The following SLC25A21 variants were observed in gnomAD, a reference collection of about 807,000 sequenced individuals.
SLC25A21 encodes solute carrier family 25 member 21.
In SLC25A21, 47 loss-of-function variants were observed where a neutral mutation model predicts 43.8. The observed-to-expected ratio is 1.07, with a 90% CI of 0.85 to 1.37. The LOEUF (loss-of-function observed/expected upper bound fraction) is 1.37, where lower values mean the gene tolerates loss of function less well. Ranked by LOEUF, SLC25A21 falls within the 40% of genes most tolerant of loss-of-function variation. SLC25A21 has a pLI of 0.00. For synonymous variants in SLC25A21, 131 were observed against 121.3 expected, an observed-to-expected ratio of 1.08 and a Z score of -0.52; for missense variants, 352 against 350.2, an observed-to-expected ratio of 1.00 and a Z score of -0.04.
intron 1 of SLC25A21, among the ~76,000 whole-genome samples, chr14:37,062,720 A>C (rs529312101): frequency 2.6e-5 from 4 of 152,200 alleles, no homozygotes; most frequent in Non-Finnish European, 4.4e-5. Flanking sequence ...GACCCTTGGG[A>C]AATAAGAAGC....
chr14:36,745,269 G>A (rs778955676), intron 3 of SLC25A21, among the ~76,000 whole-genome samples: 72 of 152,102 alleles, frequency 4.7e-4, no homozygotes, highest in Non-Finnish European at 9.3e-4. Context: ...TTGGTTCCAA[G>A]TCTTTGCTAT....
In SLC25A21 at chr14:36,679,662, T is replaced by G. The variant is rs1278490343; in HGVS notation, c.*996A>C. The G allele has an allele frequency of 3.0e-6, 3 of 985,290 alleles. No individual in the cohort carries two copies. The highest frequency in any genetic ancestry group is 5.2e-4 in the Middle Eastern group (1 of 1,936). The allele number at this position is 985,290 out of a possible 1,614,324, so 61.0% of individuals were successfully genotyped here. A position where few individuals can be genotyped will look rare whatever the true frequency, so the allele number is the denominator to read the frequency against. ...TATTTTAATACTGCAGACAGCTGAC[T>G]TCCCACCTGAAGTTGTCGTTTAAAA... is the stretch of plus-strand genomic sequence containing the variant. On this transcript the variant is annotated 3_prime_UTR_variant, in exon 10 of 10. Coordinates refer to ENST00000331299, the MANE Select transcript of SLC25A21 (RefSeq NM_030631.4).
At chr14:37,049,307 C>CA (rs2138795181) in intron 1 of SLC25A21, among the ~76,000 whole-genome samples, 1 of 152,254 alleles carries the variant, frequency 6.6e-6, no homozygotes, top group South Asian at 2.1e-4. Context: ...ACTGACTGGG[C>CA]ACGGTGGCTC....
At chr14:36,701,905 A>G (rs1883294629) in intron 7 of SLC25A21, among the ~76,000 whole-genome samples, 1 of 152,178 alleles carries the variant, frequency 6.6e-6, no homozygotes, top group African/African-American at 2.4e-5. Context: ...AGAGATTGAG[A>G]AACCAGAGGG....
At chr14:37,001,599 C>A (rs1345771434) in intron 1 of SLC25A21, among the ~76,000 whole-genome samples, 1 of 151,982 alleles carries the variant, frequency 6.6e-6, no homozygotes, top group South Asian at 2.1e-4. Flanking sequence ...TTTCTTCCTT[C>A]TTTCCTTTTT....
intron 1 of SLC25A21, among the ~76,000 whole-genome samples, chr14:37,009,195 A>G (rs984961403): frequency 5.3e-5 from 8 of 152,154 alleles, no homozygotes; most frequent in African/African-American, 1.9e-4. Context: ...GAAATAACTT[A>G]GATAGCTTAG....
At chr14:36,910,687 G>A (rs566662226) in intron 1 of SLC25A21, among the ~76,000 whole-genome samples, 4 of 152,118 alleles carry the variant, frequency 2.6e-5, no homozygotes, top group Admixed American at 6.6e-5. Flanking sequence ...TAATCATTTC[G>A]TGGCCTCTAT....
intron 1 of SLC25A21, among the ~76,000 whole-genome samples, chr14:37,118,891 G>A (rs1184155297): frequency 6.6e-6 from 1 of 152,016 alleles, no homozygotes; most frequent in East Asian, 1.9e-4. Flanking sequence ...CACCTACTGG[G>A]CTGCATTCCC....
intron 1 of SLC25A21, among the ~76,000 whole-genome samples, chr14:37,083,132 A>C (rs1390050024): frequency 6.6e-6 from 1 of 152,230 alleles, no homozygotes; most frequent in Non-Finnish European, 1.5e-5. Context: ...TTTATGCTGA[A>C]TGTAAGCTCT....
intron 1 of SLC25A21, among the ~76,000 whole-genome samples, chr14:36,943,129 ACT>A (rs1892604820): frequency 6.6e-6 from 1 of 152,018 alleles, no homozygotes; most frequent in Non-Finnish European, 1.5e-5. Context: ...CAATTGTGAG[ACT>A]CTATGATTTG....
intron 1 of SLC25A21, among the ~76,000 whole-genome samples, chr14:37,068,640 T>C (rs1566857525): frequency 2.0e-5 from 3 of 152,240 alleles, no homozygotes; most frequent in Non-Finnish European, 4.4e-5. Flanking sequence ...AAAACATTGC[T>C]AGATGCTAAT....
Position 36,758,557 on chromosome 14 carries a change from T to C in SLC25A21, c.204-23984A>G, listed in dbSNP as rs997283349. On this transcript the variant is annotated intron_variant, in intron 3 of 9. Coordinates refer to ENST00000331299, the MANE Select transcript of SLC25A21 (RefSeq NM_030631.4). ...AGGCAAAACTGCTCAAGCAGAAAGA[T>C]GAGCTTTCTTTTCTATATTGGGTCA... 4.8e-5 allele frequency among the ~76,000 whole-genome samples: 7 copies of C among 144,756 alleles called. No homozygotes were observed. The South Asian group carries it at 6.5e-4, about 14-fold the overall frequency. 95.0% of individuals were successfully genotyped at this position (144,756 alleles called of 152,430 possible). A position where few individuals can be genotyped will look rare whatever the true frequency, so the allele number is the denominator to read the frequency against.
At chr14:36,837,354 C>T (rs1889242994) in intron 2 of SLC25A21, among the ~76,000 whole-genome samples, 1 of 151,968 alleles carries the variant, frequency 6.6e-6, no homozygotes, top group Non-Finnish European at 1.5e-5. Context: ...GGCAAGCCTG[C>T]CGAACAGTGC....
chr14:37,047,245 T>A (rs1961605805), intron 1 of SLC25A21, among the ~76,000 whole-genome samples: 1 of 152,182 alleles, frequency 6.6e-6, no homozygotes, highest in Admixed American at 6.5e-5. Context: ...TACTGCACGC[T>A]GAAGGGAACA....
intron 1 of SLC25A21, among the ~76,000 whole-genome samples, chr14:37,015,649 G>A (rs926432745): frequency 6.6e-6 from 1 of 151,542 alleles, no homozygotes; most frequent in African/African-American, 2.4e-5. Context: ...CTAGTTTACA[G>A]TTCCACCAAC....
At chr14:36,949,063 C>G (rs780267386) in intron 1 of SLC25A21, among the ~76,000 whole-genome samples, 1 of 152,232 alleles carries the variant, frequency 6.6e-6, no homozygotes, top group South Asian at 2.1e-4. Context: ...TTACAGAGAT[C>G]GAGTGATGGG....
rs374160004 is a variant in SLC25A21, at chr14:36,971,286, C to T, written c.71-96282G>A. On this transcript the variant is annotated intron_variant, in intron 1 of 9. Transcript: ENST00000331299. ...TGTAGAATTGAGCTGCAGACATAGA[C>T]AAACAAGCTAGAAGCTTGCACAGGT... Among the ~76,000 whole-genome samples, 24 of 152,276 alleles carry T rather than the reference C, an allele frequency of 1.6e-4. No individual in the cohort carries two copies. In the East Asian group the frequency reaches 4.2e-3, roughly 27 times the overall value.
chr14:37,027,567 T>C (rs140525254), intron 1 of SLC25A21, among the ~76,000 whole-genome samples: 19 of 152,340 alleles, frequency 1.2e-4, no homozygotes, highest in African/African-American at 4.6e-4. Flanking sequence ...CCCACAATAC[T>C]ACAGTAGCTC....
chr14:37,109,611 G>C (rs575507372), intron 1 of SLC25A21, among the ~76,000 whole-genome samples: 1 of 152,104 alleles, frequency 6.6e-6, no homozygotes, highest in Non-Finnish European at 1.5e-5. Flanking sequence ...AAGTATTAAT[G>C]AATGATGTTG....
Sources: allele counts gnomAD v4.1 joint callset (sites outside exome capture counted in the v4.1 genomes callset), GRCh38; gene constraint gnomAD v4.1.1; transcripts MANE v1.5; gene names NCBI Gene and HGNC (gene_info 2026-07-23, HGNC 2026-07-21).